Variants in NUP155 observed in about 807,000 individuals in gnomAD.
NUP155 encodes the protein nuclear pore complex protein Nup155.
A neutral mutation model predicts 180.4 loss-of-function variants in NUP155; 71 were observed. The observed-to-expected ratio is 0.39, with a 90% CI of 0.33 to 0.48. The LOEUF (loss-of-function observed/expected upper bound fraction) is 0.48, where lower values mean the gene tolerates loss of function less well. Among genes scored for constraint, NUP155 ranks in the 20% least tolerant of loss-of-function variants. NUP155 has a pLI of 0.91. For missense variants in NUP155, 1,553 were observed against 1,648.9 expected (o/e 0.94, Z 1.01); for synonymous variants, 582 against 559.5 (o/e 1.04, Z -0.57).
Position 37,291,777 on chromosome 5 carries a change from T to C in NUP155, c.*123A>G, listed in dbSNP as rs569234447. On this transcript the variant is annotated 3_prime_UTR_variant, in exon 35 of 35. Transcript: ENST00000231498. ...GGTACTATTTGTAGATATTAGCCAC[T>C]TATTAAAAACATATTTCTATTAAGA... The C allele has an allele frequency of 1.3e-5, 11 of 868,770 alleles. No homozygotes were observed. In the South Asian group the frequency reaches 1.5e-4, roughly 12 times the overall value. 53.8% of individuals were successfully genotyped at this position (868,770 alleles called of 1,614,324 possible). A position where few individuals can be genotyped will look rare whatever the true frequency, so the allele number is the denominator to read the frequency against.
At chr5:37,362,539 T>G (rs1747292068) in intron 3 of NUP155, among the ~76,000 whole-genome samples, 1 of 152,054 alleles carries the variant, frequency 6.6e-6, no homozygotes, top group South Asian at 2.1e-4. Context: ...CTGCCTGCCT[T>G]GGCCTCCTAA....
chr5:37,304,923 C>T (rs1401255944), intron 26 of NUP155, 80 bp from the exon 27 acceptor site: 27 of 1,496,884 alleles, frequency 1.8e-5, no homozygotes, highest in East Asian at 2.3e-5. Flanking sequence ...CTATAAACTC[C>T]AGTAAGAAAT....
Position 37,288,488 on chromosome 5 carries a change from T to G in NUP155, c.*3412A>C, listed in dbSNP as rs1742108631. 1 of 152,160 alleles carries G rather than the reference T, an allele frequency of 6.6e-6. No individual in the cohort carries two copies. Among genetic ancestry groups the G allele is most frequent in the Non-Finnish European group, 1.5e-5 (1 of 68,030 alleles). The allele number at this position is 152,160 out of a possible 1,614,324, so 9.4% of individuals were successfully genotyped here. On this transcript the variant is annotated 3_prime_UTR_variant, in exon 35 of 35. Transcript: ENST00000231498. ...TCCTAACCGTTTTGCCATACTACAA[T>G]GATCTAGTTAAAATACAAATTTCAC...
intron 27 of NUP155, among the ~76,000 whole-genome samples, chr5:37,303,726 A>G (rs1056711480): frequency 6.6e-6 from 1 of 152,148 alleles, no homozygotes; most frequent in Non-Finnish European, 1.5e-5. Context: ...TGGGCAGATC[A>G]TGTGAGCTCA....
chr5:37,334,053 G>A (rs561476793), intron 12 of NUP155, among the ~76,000 whole-genome samples: 3 of 151,392 alleles, frequency 2.0e-5, no homozygotes, highest in Non-Finnish European at 2.9e-5. Flanking sequence ...CGCCCACCTC[G>A]GCCTCCCAAA....
chr5:37,347,564 C>T (rs1306780198), intron 9 of NUP155, among the ~76,000 whole-genome samples: 1 of 151,730 alleles, frequency 6.6e-6, no homozygotes, highest in African/African-American at 2.4e-5. Flanking sequence ...GGTGTGATGG[C>T]GCATGCCTGT....
chr5:37,303,479 A>C, intron 27 of NUP155, 65 bp from the exon 28 acceptor site: 3 of 1,350,382 alleles, frequency 2.2e-6, no homozygotes, highest in Non-Finnish European at 3.2e-6. Flanking sequence ...CCTGATAAGG[A>C]AAATATAGTA....
intron 10 of NUP155, among the ~76,000 whole-genome samples, chr5:37,341,869 A>G (rs952072304): frequency 6.6e-6 from 1 of 152,098 alleles, no homozygotes; most frequent in African/African-American, 2.4e-5. Context: ...TACCATATAG[A>G]CTATCTGCTA....
chr5:37,335,675 C>A (rs1745284373), intron 12 of NUP155, among the ~76,000 whole-genome samples: 1 of 152,014 alleles, frequency 6.6e-6, no homozygotes, highest in Admixed American at 6.6e-5. Context: ...ATTGGCTGGA[C>A]GACACGGCTT....
rs138614499 is a variant in NUP155 at position 37,337,374 on chromosome 5, C to T, written c.1347+444G>A. ...TTCAAACTTTATGTTTGAAAGTTTC[C>T]ATAATTAAAAAAAAAACAGACAAAA... On this transcript the variant is annotated intron_variant, in intron 12 of 34. Coordinates refer to ENST00000231498, the MANE Select transcript of NUP155 (RefSeq NM_153485.3). 1.6e-3 allele frequency among the ~76,000 whole-genome samples: 249 copies of T among 150,942 alleles called. 1 individual carries two copies. Among genetic ancestry groups the T allele is most frequent in the African/African-American group, 5.7e-3 (234 of 41,190 alleles).
chr5:37,364,517 A>G, intron 1 of NUP155, 133 bp from the exon 2 acceptor site: 1 of 763,334 alleles, frequency 1.3e-6, no homozygotes, highest in South Asian at 1.5e-5. Context: ...GTTTTGACCC[A>G]ACACAAAGTA....
chr5:37,330,274 G>C, intron 14 of NUP155, 142 bp from the exon 15 acceptor site: 1 of 668,344 alleles, frequency 1.5e-6, no homozygotes, highest in South Asian at 1.7e-5. Flanking sequence ...AAATCAGTTA[G>C]TGTTAAAAAG....
At chr5:37,315,023 T>C (rs1412451268) in intron 21 of NUP155, among the ~76,000 whole-genome samples, 4 of 151,890 alleles carry the variant, frequency 2.6e-5, no homozygotes, top group Non-Finnish European at 4.4e-5. Flanking sequence ...CCTGAGGTCA[T>C]GAGTTCAAGA....
chr5:37,314,168 G>A (rs1034644135), intron 22 of NUP155, 30 bp downstream of exon 22: 2 of 1,492,548 alleles, frequency 1.3e-6, no homozygotes, highest in Non-Finnish European at 1.9e-6. Flanking sequence ...AGTATTAATG[G>A]TATAATCATA....
rs554119637 is a variant in NUP155 at position 37,304,566 on chromosome 5, CAG to C, written c.3162+171_3162+172del. ...CTTCGAATTAACAAGAAAATTGGAG[CAG>C]TAGCCTACTTTGCCCCTTAGGAAAA... On this transcript the variant is annotated intron_variant, in intron 27 of 34. Coordinates refer to ENST00000231498, the MANE Select transcript of NUP155 (RefSeq NM_153485.3). Among the ~76,000 whole-genome samples the C allele has an allele frequency of 1.3e-3, 202 of 152,274 alleles. 4 individuals are homozygous for C. The Middle Eastern group carries it at 0.017, about 13-fold the overall frequency.
At chr5:37,350,111 A>G (rs773816767) in intron 7 of NUP155, 49 bp downstream of exon 7, 10 of 1,201,798 alleles carry the variant, frequency 8.3e-6, no homozygotes, top group Non-Finnish European at 1.2e-5. Flanking sequence ...TGAGGGAACA[A>G]TGTGTTAGAA....
intron 21 of NUP155, among the ~76,000 whole-genome samples, chr5:37,316,041 T>C (rs763028633): frequency 1.3e-5 from 2 of 152,204 alleles, no homozygotes; most frequent in Admixed American, 6.5e-5. Context: ...CCATATGATA[T>C]AGCAATTCCA....
Position 37,361,851 on chromosome 5 carries a change from ACT to A in NUP155, c.392+2035_392+2036del, listed in dbSNP as rs547841020. ...CTCCTAAAATTCATATTAAATCCTA[ACT>A]CTTAATGTGATAGTATTTGTAGGTG... is the stretch of plus-strand genomic sequence containing the variant. On this transcript the variant is annotated intron_variant, in intron 3 of 34. Transcript: ENST00000231498. Among the ~76,000 whole-genome samples, 545 of 152,004 alleles carry A rather than the reference ACT, an allele frequency of 3.6e-3. 3 individuals carry two copies. The highest frequency in any genetic ancestry group is 6.0e-3 in the Non-Finnish European group (409 of 67,994).
intron 3 of NUP155, 26 bp downstream of exon 3, chr5:37,363,862 A>T: frequency 6.8e-7 from 1 of 1,480,770 alleles, no homozygotes; most frequent in Non-Finnish European, 9.4e-7. Context: ...AATCACCCTT[A>T]AAGCAAACCA....
Sources: gnomAD v4.1 joint callset for allele counts (sites outside exome capture counted in the v4.1 genomes callset) on GRCh38, gnomAD v4.1.1 for gene constraint, MANE v1.5 for transcripts, NCBI Gene and HGNC (gene_info 2026-07-23, HGNC 2026-07-21) for gene names.